PCGF3: variants seen among roughly 807,000 people sequenced by gnomAD.
The protein encoded by PCGF3 is polycomb group RING finger protein 3.
In PCGF3, 7 loss-of-function variants were observed where a neutral mutation model predicts 33.1. That is an observed-to-expected ratio of 0.21 (90% confidence interval 0.12 to 0.40). The LOEUF is 0.40. Ranked by LOEUF, PCGF3 falls within the 10% of genes least tolerant of loss-of-function variation. The probability of loss-of-function intolerance (pLI) is 1.00; values close to 1 mark genes in which losing one functional copy is unlikely to be tolerated. For missense variants in PCGF3, 211 were observed against 313.3 expected, an observed-to-expected ratio of 0.67 and a Z score of 2.46; for synonymous variants, 153 against 121.3, an observed-to-expected ratio of 1.26 and a Z score of -1.72.
intron 1 of PCGF3, among the ~76,000 whole-genome samples, chr4:729,872 C>T (rs1306952275): frequency 1.3e-5 from 2 of 152,208 alleles, no homozygotes; most frequent in Non-Finnish European, 1.5e-5. Flanking sequence ...CCACTTTCCC[C>T]AGTCTGACTC....
At chr4:735,108 T>C in intron 5 of PCGF3, 81 bp downstream of exon 5, 1 of 1,457,512 alleles carries the variant, frequency 6.9e-7, no homozygotes, top group Non-Finnish European at 9.4e-7. Context: ...CCCAGGCCAT[T>C]AGCGCTGTAC....
intron 1 of PCGF3, among the ~76,000 whole-genome samples, chr4:711,110 C>A (rs1560193971): frequency 1.3e-5 from 2 of 152,218 alleles, no homozygotes; most frequent in African/African-American, 4.8e-5. Flanking sequence ...CTCCACTGCA[C>A]AGGGAGCCGG....
chr4:732,694 G>A (rs941395372), intron 3 of PCGF3, among the ~76,000 whole-genome samples: 1 of 152,150 alleles, frequency 6.6e-6, no homozygotes, highest in Admixed American at 6.5e-5. Context: ...CGGTGATGAC[G>A]GAAGTGGTGT....
chr4:763,230 G>A lies in PCGF3; in HGVS notation c.601-1754G>A, dbSNP rs115022767. Among the ~76,000 whole-genome samples, 685 of 152,330 alleles carry A rather than the reference G, an allele frequency of 4.5e-3. 5 individuals are homozygous for A. The highest frequency in any genetic ancestry group is 0.016 in the African/African-American group (659 of 41,548). ...TTCTGTGTAGCGAAACAGAAAAGAT[G>A]GATGGTAGCTGGGGACAGAGCAGGC... On this transcript the variant is annotated intron_variant, in intron 9 of 10. Transcript: ENST00000362003.
At chr4:740,470 A>C (rs1022306976) in intron 6 of PCGF3, among the ~76,000 whole-genome samples, 3 of 144,110 alleles carry the variant, frequency 2.1e-5, no homozygotes, top group Non-Finnish European at 1.5e-5. Context: ...GGGCTCTTTC[A>C]CTCGGTGGGC....
intron 1 of PCGF3, among the ~76,000 whole-genome samples, chr4:729,475 T>G (rs1408311859): frequency 6.6e-6 from 1 of 152,046 alleles, no homozygotes; most frequent in Admixed American, 6.5e-5. Context: ...CAAGCCACAG[T>G]TCAGGTGCTC....
rs563576024 is a variant in PCGF3, at chr4:743,811, C to T, written c.373+227C>T. 123 of 436,812 alleles carry T rather than the reference C, an allele frequency of 2.8e-4. No homozygotes were observed. In the East Asian group the frequency reaches 4.9e-3, roughly 17 times the overall value. 27.1% of individuals were successfully genotyped at this position (436,812 alleles called of 1,614,324 possible). The stretch of plus-strand genomic sequence containing the variant: ...CCAGCAGGGGAGAGCAGGAGGGCCC[C>T]CCGAGAGTGTCTGGGGGGCAGAGGT... On this transcript the variant is annotated intron_variant, in intron 7 of 10. Coordinates refer to ENST00000362003, the Ensembl canonical transcript of PCGF3.
At chr4:729,997 T>C (rs1309741369) in intron 1 of PCGF3, among the ~76,000 whole-genome samples, 1 of 152,086 alleles carries the variant, frequency 6.6e-6, no homozygotes, top group East Asian at 1.9e-4. Flanking sequence ...GCAGGGTCCC[T>C]ACGTGGTCCC....
chr4:766,902 A>C (rs1745403040), exon 11 of PCGF3: 1 of 152,304 alleles, frequency 6.6e-6, no homozygotes. Flanking sequence ...CAAATTGTTG[A>C]GTGCCGCCGT....
rs564712615 is a variant in PCGF3, at chr4:744,698, G to GC, written c.462+13dup. On this transcript the variant is annotated intron_variant, in intron 8 of 10. Coordinates refer to ENST00000362003, the Ensembl canonical transcript of PCGF3. ...CCGCAGCGACGAGCAGGTGGGCGGG[G>GC]CCCGGGGGTCGCTGCAGTGTTAGTG... is the stretch of plus-strand genomic sequence containing the variant. 248 of 1,520,886 alleles carry GC rather than the reference G, an allele frequency of 1.6e-4. No individual in the cohort carries two copies. In the African/African-American group the frequency reaches 1.7e-3, roughly 10 times the overall value. The allele number at this position is 1,520,886 out of a possible 1,614,324, so 94.2% of individuals were successfully genotyped here.
intron 8 of PCGF3, among the ~76,000 whole-genome samples, chr4:756,103 C>T (rs1364621399): frequency 3.3e-5 from 5 of 151,486 alleles, no homozygotes; most frequent in Middle Eastern, 3.4e-3. Context: ...TTAGTAGAGA[C>T]GGGGTTTCTC....
chr4:727,816 C>G (rs1383361906), intron 1 of PCGF3, among the ~76,000 whole-genome samples: 1 of 152,158 alleles, frequency 6.6e-6, no homozygotes, highest in Non-Finnish European at 1.5e-5. Context: ...TTTCCGTCTG[C>G]CATGGTCAGT....
intron 6 of PCGF3, 71 bp downstream of exon 6, chr4:737,592 G>A (rs1322127590): frequency 1.0e-6 from 1 of 993,338 alleles, no homozygotes; most frequent in African/African-American, 1.6e-5. Flanking sequence ...TCTCCTGGAA[G>A]TTTGGTTCTC....
intron 1 of PCGF3, among the ~76,000 whole-genome samples, chr4:726,840 C>T (rs1272866925): frequency 1.3e-5 from 2 of 152,216 alleles, no homozygotes; most frequent in East Asian, 1.9e-4. Flanking sequence ...CTTTTCACCC[C>T]CTGTCCAGTT....
At chr4:768,894 A>T (rs1451267921) in exon 11 of PCGF3, 1 of 152,686 alleles carries the variant, frequency 6.5e-6, no homozygotes, top group Non-Finnish European at 1.5e-5. Flanking sequence ...GCTTTTGTGC[A>T]ATAGGTTCCA....
exon 5 of PCGF3, chr4:735,025 C>A: frequency 6.2e-7 from 1 of 1,611,754 alleles, no homozygotes; most frequent in African/African-American, 1.3e-5. Context: ...TGCAGTACAT[C>A]GGGTGAGTGT....
intron 4 of PCGF3, 196 bp from the exon 5 acceptor site, chr4:734,735 A>T (rs1319594397): frequency 7.3e-7 from 1 of 1,366,198 alleles, no homozygotes. Context: ...TTGACGGGGC[A>T]ATTAAAACCT....
At chr4:732,477 C>T (rs1283131047) in intron 3 of PCGF3, 1 of 153,044 alleles carries the variant, frequency 6.5e-6, no homozygotes, top group Non-Finnish European at 1.5e-5. Flanking sequence ...GAGGATTTGA[C>T]TTTGGAAGTC....
chr4:715,609 G>A (rs368050903), intron 1 of PCGF3, among the ~76,000 whole-genome samples: 8,323 of 71,190 alleles, frequency 0.12, 349 homozygotes, highest in Non-Finnish European at 0.16. Context: ...CTGGGTGTCG[G>A]TGCTGGGACC....
Sources: gnomAD v4.1 joint callset for allele counts (sites outside exome capture counted in the v4.1 genomes callset) on GRCh38, gnomAD v4.1.1 for gene constraint, MANE v1.5 for transcripts, NCBI Gene and HGNC (gene_info 2026-07-23, HGNC 2026-07-21) for gene names.